Variants in RBFOX1 observed in about 807,000 individuals in gnomAD.
RBFOX1 encodes the protein RNA binding fox-1 homolog 1.
In RBFOX1, 8 loss-of-function variants were observed where a neutral mutation model predicts 57.7. The ratio of observed to expected loss-of-function variants is 0.14; its 90% CI spans 0.08 to 0.25. The LOEUF is 0.25. Ranked by LOEUF, RBFOX1 falls within the 10% of genes least tolerant of loss-of-function variation. The probability of loss-of-function intolerance (pLI) is 1.00; values close to 1 mark genes in which losing one functional copy is unlikely to be tolerated. For missense variants in RBFOX1, 611 were observed against 548.5 expected (o/e 1.11, Z -1.14); for synonymous variants, 326 against 222.4 (o/e 1.47, Z -4.15).
At chr16:7,150,677 T>A (rs1382166012) in intron 4 of RBFOX1, among the ~76,000 whole-genome samples, 1 of 152,230 alleles carries the variant, frequency 6.6e-6, no homozygotes, top group African/African-American at 2.4e-5. Context: ...AGTAAAGTGA[T>A]GTTTAGAAAG....
rs571293818 is a variant in RBFOX1, at chr16:7,541,797, C to G, written c.270+23408C>G. On this transcript the variant is annotated intron_variant, in intron 5 of 15. Transcript: ENST00000550418. ...GTTTTTTGAGTCTCTGTTTCTTCCT[C>G]TGGCAAATGATTTTGATGGGTGTCA... 2.6e-5 allele frequency among the ~76,000 whole-genome samples: 4 copies of G among 152,310 alleles called. No individual in the cohort carries two copies. The South Asian group carries it at 8.3e-4, about 32-fold the overall frequency.
At chr16:6,417,192 A>G (rs994110098) in intron 2 of RBFOX1, among the ~76,000 whole-genome samples, 4 of 151,626 alleles carry the variant, frequency 2.6e-5, no homozygotes, top group Middle Eastern at 3.4e-3. Context: ...TTGTATTTTT[A>G]GTAGAGATGG....
At chr16:6,715,995 G>T (rs887459856) in intron 3 of RBFOX1, among the ~76,000 whole-genome samples, 3 of 136,832 alleles carry the variant, frequency 2.2e-5, no homozygotes, top group Non-Finnish European at 4.7e-5. Flanking sequence ...CCAACTCTGT[G>T]GGGCCATTAA....
chr16:5,305,957 G>A (rs1390556879), intron 1 of RBFOX1, among the ~76,000 whole-genome samples: 2 of 152,164 alleles, frequency 1.3e-5, no homozygotes. Context: ...TCAGGAGGCC[G>A]GAGGCAGCAG....
chr16:5,929,757 C>A (rs1438546837), intron 4 of RBFOX1, among the ~76,000 whole-genome samples: 1 of 152,056 alleles, frequency 6.6e-6, no homozygotes, highest in Non-Finnish European at 1.5e-5. Flanking sequence ...CACATGCATA[C>A]CTAGTCACTT....
At position 6,941,092 on chromosome 16, in the gene RBFOX1, A is replaced by G. The variant is rs191288670; in HGVS notation, c.-15-110965A>G. Among the ~76,000 whole-genome samples, 22 of 152,098 alleles carry G rather than the reference A, an allele frequency of 1.4e-4. No homozygotes were observed. In the East Asian group the frequency reaches 3.9e-3, roughly 27 times the overall value. On this transcript the variant is annotated intron_variant, in intron 3 of 15. Transcript: ENST00000550418. ...GGGAGAAATGGAGGTGGGTAGTTAA[A>G]CAGGAAAGAGTCTTAGTTGGAATTT...
intron 4 of RBFOX1, among the ~76,000 whole-genome samples, chr16:7,194,272 T>C (rs2086144490): frequency 6.6e-6 from 1 of 152,248 alleles, no homozygotes; most frequent in Non-Finnish European, 1.5e-5. Context: ...TTGCACTGTA[T>C]TTATTTTATG....
chr16:6,258,319 G>A (rs1473932201), intron 1 of RBFOX1, among the ~76,000 whole-genome samples: 1 of 151,710 alleles, frequency 6.6e-6, no homozygotes. Flanking sequence ...TGACAGCAAA[G>A]ATACACTGTC....
intron 2 of RBFOX1, among the ~76,000 whole-genome samples, chr16:6,486,082 C>CTTTTTTTTTTT (rs71145234): frequency 2.5e-4 from 16 of 62,966 alleles, no homozygotes; most frequent in East Asian, 5.4e-4. Flanking sequence ...CAGTAAAAGG[C>CTTTTTTTTTTT]TTTTTTTTTT....
In RBFOX1 at chr16:7,292,311, C is replaced by T. The variant is rs138463235; in HGVS notation, c.28-225836C>T. 5.1e-3 allele frequency among the ~76,000 whole-genome samples: 585 copies of T among 115,598 alleles called. 19 individuals are homozygous for T. The highest frequency in any genetic ancestry group is 7.4e-3 in the Non-Finnish European group (436 of 58,674). The allele number at this position is 115,598 out of a possible 152,430, so 75.8% of individuals were successfully genotyped here. On this transcript the variant is annotated intron_variant, in intron 4 of 15. Transcript: ENST00000550418. Reference sequence around the variant, plus strand: ...ATCATATATGATATATGATATATGACGTATTATATATCATATATCATACAT... The same window carrying T: ...ATCATATATGATATATGATATATGATGTATTATATATCATATATCATACAT...
At chr16:6,406,906 C>G (rs150879012) in intron 2 of RBFOX1, among the ~76,000 whole-genome samples, 114 of 152,270 alleles carry the variant, frequency 7.5e-4, no homozygotes, top group African/African-American at 2.7e-3. Flanking sequence ...CCCCTACTGA[C>G]TGTGTGACTA....
intron 6 of RBFOX1, among the ~76,000 whole-genome samples, chr16:7,580,262 A>G (rs1012718737): frequency 6.6e-6 from 1 of 152,150 alleles, no homozygotes; most frequent in Non-Finnish European, 1.5e-5. Context: ...TGCAGCAAAA[A>G]TACACATCGA....
intron 4 of RBFOX1, among the ~76,000 whole-genome samples, chr16:7,426,842 T>C (rs1254577384): frequency 6.6e-6 from 1 of 152,136 alleles, no homozygotes; most frequent in Non-Finnish European, 1.5e-5. Flanking sequence ...AGGTCCTTGG[T>C]TATCATACAT....
intron 1 of RBFOX1, among the ~76,000 whole-genome samples, chr16:5,313,487 A>T (rs1312872748): frequency 6.6e-6 from 1 of 152,168 alleles, no homozygotes; most frequent in African/African-American, 2.4e-5. Context: ...TCTGGGACCC[A>T]TGACTTACAA....
At chr16:6,104,768 G>A (rs1237167969) in intron 1 of RBFOX1, among the ~76,000 whole-genome samples, 1 of 152,148 alleles carries the variant, frequency 6.6e-6, no homozygotes, top group Admixed American at 6.5e-5. Context: ...ACAAATAGAA[G>A]CTACACCACA....
At chr16:5,466,690 C>T (rs994641995) in intron 1 of RBFOX1, among the ~76,000 whole-genome samples, 4 of 152,210 alleles carry the variant, frequency 2.6e-5, no homozygotes, top group East Asian at 1.9e-4. Flanking sequence ...GCCTCCTTGA[C>T]ATCATCTCTT....
In RBFOX1 at chr16:5,330,149, C is replaced by G. The variant is rs527550851; in HGVS notation, c.219+90044C>G. On this transcript the variant is annotated intron_variant, in intron 1 of 2. Transcript: ENST00000585867. Reference sequence around the variant, plus strand: ...TCCTAGGGGCCACACCTCCAAATACCATCGCTTTCTGGGTTGCAATTTCAA... The same window carrying G: ...TCCTAGGGGCCACACCTCCAAATACGATCGCTTTCTGGGTTGCAATTTCAA... Among the ~76,000 whole-genome samples, 5 of 152,234 alleles carry G rather than the reference C, an allele frequency of 3.3e-5. No homozygotes were observed. The East Asian group carries it at 7.7e-4, about 24-fold the overall frequency.
chr16:7,350,328 G>A (rs73565827), intron 4 of RBFOX1, among the ~76,000 whole-genome samples: 30,060 of 151,924 alleles, frequency 0.2, 4,790 homozygotes, highest in African/African-American at 0.45. Flanking sequence ...AATGAAATGG[G>A]TATGTTTGAG....
At chr16:6,139,047 C>A (rs1201422410) in intron 1 of RBFOX1, among the ~76,000 whole-genome samples, 4 of 152,096 alleles carry the variant, frequency 2.6e-5, no homozygotes, top group African/African-American at 7.2e-5. Context: ...ATTATTATTA[C>A]TATATACAGT....
Sources: gnomAD v4.1 joint callset for allele counts (sites outside exome capture counted in the v4.1 genomes callset) on GRCh38, gnomAD v4.1.1 for gene constraint, MANE v1.5 for transcripts, NCBI Gene and HGNC (gene_info 2026-07-23, HGNC 2026-07-21) for gene names.